The following PARD6G variants were observed in gnomAD, a reference collection of about 807,000 sequenced individuals.
The protein encoded by PARD6G is par-6 family cell polarity regulator gamma.
A neutral mutation model predicts 10.7 loss-of-function variants in PARD6G; 7 were observed. That is an observed-to-expected ratio of 0.66 (90% CI 0.37 to 1.23). The LOEUF is 1.23. PARD6G is among the 50% of genes most tolerant of loss of function. The pLI is 0.02. For missense variants in PARD6G, 548 were observed against 571.8 expected (o/e 0.96, Z 0.42); for synonymous variants, 287 against 269.4 (o/e 1.07, Z -0.64).
At chr18:80,169,897 G>A (rs1350557647) in intron 2 of PARD6G, 2 of 152,274 alleles carry the variant, frequency 1.3e-5, no homozygotes, top group Non-Finnish European at 2.9e-5. Flanking sequence ...AGCTTAAATG[G>A]TAAGAAATTA....
intron 2 of PARD6G, among the ~76,000 whole-genome samples, chr18:80,190,035 C>T (rs1290979452): frequency 6.6e-6 from 1 of 152,160 alleles, no homozygotes; most frequent in African/African-American, 2.4e-5. Context: ...AGTCACTCCC[C>T]ATCCCAAGGA....
chr18:80,162,781 C>T (rs1396509928), intron 2 of PARD6G, among the ~76,000 whole-genome samples: 1 of 152,130 alleles, frequency 6.6e-6, no homozygotes, highest in Admixed American at 6.5e-5. Flanking sequence ...GTGTGGGGAT[C>T]AACAACACAA....
intron 1 of PARD6G, among the ~76,000 whole-genome samples, chr18:80,223,313 A>G (rs896275637): frequency 3.9e-5 from 6 of 152,220 alleles, no homozygotes; most frequent in South Asian, 2.1e-4. Context: ...GAACATCATG[A>G]AGAAAGTGAA....
chr18:80,180,679 C>T lies in PARD6G; in HGVS notation c.296-20073G>A, dbSNP rs2052844342. Among the ~76,000 whole-genome samples, 1 of 152,192 alleles carries T rather than the reference C, an allele frequency of 6.6e-6. No homozygotes were observed. Among genetic ancestry groups the T allele is most frequent in the African/African-American group, 2.4e-5 (1 of 41,450 alleles). ...CTGACCCCCAGTTCCTGCCAGTGAG[C>T]TTGGCAGAGGCACCACAGGCTCTTG... is the stretch of plus-strand genomic sequence containing the variant. On this transcript the variant is annotated intron_variant, in intron 2 of 2. Coordinates refer to ENST00000353265, the MANE Select transcript of PARD6G (RefSeq NM_032510.4). The surrounding 1 kb of genome is among the most constrained non-coding windows in gnomAD (Gnocchi z 5.6).
intron 2 of PARD6G, among the ~76,000 whole-genome samples, chr18:80,176,452 T>C (rs2052808254): frequency 6.6e-6 from 1 of 152,192 alleles, no homozygotes; most frequent in Non-Finnish European, 1.5e-5. Context: ...GTATACTTCC[T>C]ACTCCCTTCA....
Position 80,195,548 on chromosome 18 carries a change from CATATATATAT to C in PARD6G, c.295+7152_295+7161del, listed in dbSNP as rs201373415. 1.6e-3 allele frequency among the ~76,000 whole-genome samples: 128 copies of C among 82,214 alleles called. 6 individuals carry two copies. Among genetic ancestry groups the C allele is most frequent in the African/African-American group, 3.8e-3 (88 of 23,400 alleles). 53.9% of individuals were successfully genotyped at this position (82,214 alleles called of 152,430 possible). ...CACACAATAAGAGTCTTCAAAGATA[CATATATATAT>C]ATATATATATATATACACACATTTT... On this transcript the variant is annotated intron_variant, in intron 2 of 2. Transcript: ENST00000353265.
chr18:80,218,616 C>T (rs983842137), intron 1 of PARD6G, among the ~76,000 whole-genome samples: 2 of 152,126 alleles, frequency 1.3e-5, no homozygotes, highest in Non-Finnish European at 1.5e-5. Flanking sequence ...TGCAAGCTGT[C>T]GGTGGATCTA....
chr18:80,176,751 A>T (rs1024837782), intron 2 of PARD6G, among the ~76,000 whole-genome samples: 15 of 152,214 alleles, frequency 9.9e-5, no homozygotes, highest in Admixed American at 6.5e-5. Context: ...CAAACAGCTC[A>T]CTAAAGTGGA....
At chr18:80,239,170 C>G (rs1599879235) in intron 1 of PARD6G, among the ~76,000 whole-genome samples, 1 of 152,060 alleles carries the variant, frequency 6.6e-6, no homozygotes, top group East Asian at 1.9e-4. Flanking sequence ...GGCCAGGGTA[C>G]AGGAGAGCTC....
Position 80,202,936 on chromosome 18 carries a change from CAATGCAAGAGACGGGGTGGGGGGAGGGG to C in PARD6G, c.73-32_73-5del. 1 of 1,522,218 alleles carries C rather than the reference CAATGCAAGAGACGGGGTGGGGGGAGGGG, an allele frequency of 6.6e-7. No homozygotes were observed. The highest frequency in any genetic ancestry group is 8.9e-7 in the Non-Finnish European group (1 of 1,126,296). 94.3% of individuals were successfully genotyped at this position (1,522,218 alleles called of 1,614,324 possible). A position where few individuals can be genotyped will look rare whatever the true frequency, so the allele number is the denominator to read the frequency against. On this transcript the variant is annotated splice_polypyrimidine_tract_variant and splice_region_variant and intron_variant, in intron 1 of 2. Coordinates refer to ENST00000353265, the MANE Select transcript of PARD6G (RefSeq NM_032510.4). ...ACCTTCGGAATTCCGCCCCAAACTA[CAATGCAAGAGACGGGGTGGGGGGAGGGG>C]CATTAATAAATACCAGAGAAATATC...
At chr18:80,237,845 C>T (rs1049060965) in intron 1 of PARD6G, among the ~76,000 whole-genome samples, 2 of 152,114 alleles carry the variant, frequency 1.3e-5, no homozygotes, top group Non-Finnish European at 2.9e-5. Context: ...AGTCAGGAAA[C>T]AACAGGTGCT....
At chr18:80,217,461 C>T (rs921400259) in intron 1 of PARD6G, among the ~76,000 whole-genome samples, 7 of 152,064 alleles carry the variant, frequency 4.6e-5, no homozygotes, top group Admixed American at 2.6e-4. Context: ...GGGGAGAAAC[C>T]GGGCAAACAC....
At chr18:80,186,973 C>T (rs1050912646) in intron 2 of PARD6G, among the ~76,000 whole-genome samples, 2 of 152,052 alleles carry the variant, frequency 1.3e-5, no homozygotes, top group African/African-American at 4.8e-5. Flanking sequence ...GTGGCGGGCA[C>T]CTGTAGTCCC....
At chr18:80,235,241 C>T (rs1415915807) in intron 1 of PARD6G, among the ~76,000 whole-genome samples, 1 of 152,150 alleles carries the variant, frequency 6.6e-6, no homozygotes, top group Non-Finnish European at 1.5e-5. Context: ...AACTGAACAA[C>T]CTGCTCCTGA....
intron 1 of PARD6G, among the ~76,000 whole-genome samples, chr18:80,236,460 C>G (rs1967423866): frequency 6.6e-6 from 1 of 152,180 alleles, no homozygotes; most frequent in Non-Finnish European, 1.5e-5. Context: ...GATGCCCTCC[C>G]TCACCACTCC....
chr18:80,223,645 AAC>A (rs1300928577), intron 1 of PARD6G, among the ~76,000 whole-genome samples: 2 of 152,232 alleles, frequency 1.3e-5, no homozygotes, highest in Non-Finnish European at 2.9e-5. Flanking sequence ...TGATTTTGTA[AAC>A]AGTCTGGGAG....
chr18:80,233,501 C>T (rs1327672192), intron 1 of PARD6G, among the ~76,000 whole-genome samples: 3 of 152,156 alleles, frequency 2.0e-5, no homozygotes, highest in African/African-American at 7.2e-5. Flanking sequence ...TATTTTGTCC[C>T]AAGGAAACAC....
chr18:80,191,020 C>T (rs1018383867), intron 2 of PARD6G, among the ~76,000 whole-genome samples: 9 of 152,208 alleles, frequency 5.9e-5, no homozygotes, highest in Non-Finnish European at 1.0e-4. Flanking sequence ...TCTCATCCAA[C>T]GGTAAAACAA....
rs1276568476 is a variant in PARD6G at position 80,231,773 on chromosome 18, T to C, written c.72+15504A>G. Among the ~76,000 whole-genome samples, 3 of 152,014 alleles carry C rather than the reference T, an allele frequency of 2.0e-5. No homozygotes were observed. The East Asian group carries it at 5.8e-4, about 29-fold the overall frequency. On this transcript the variant is annotated intron_variant, in intron 1 of 2. Coordinates refer to ENST00000353265, the MANE Select transcript of PARD6G (RefSeq NM_032510.4). The surrounding 1 kb of genome is among the most constrained non-coding windows in gnomAD (Gnocchi z 4.2). ...AACTTGCTCACCAAGCTGTTTGTTC[T>C]CCCCCAGGCCTAGAGACGGGTTCGG...
Sources: gnomAD v4.1 joint callset for allele counts (sites outside exome capture counted in the v4.1 genomes callset) on GRCh38, gnomAD v4.1.1 for gene constraint, Gnocchi (gnomAD v3.1) non-coding constraint, MANE v1.5 for transcripts, NCBI Gene and HGNC (gene_info 2026-07-23, HGNC 2026-07-21) for gene names.